The following MDFIC variants were observed in gnomAD, a reference collection of about 807,000 sequenced individuals.
MDFIC encodes the protein myoD family inhibitor domain-containing protein.
Under a neutral mutation model 23.2 loss-of-function variants are expected in MDFIC, and 17 were observed. The ratio of observed to expected loss-of-function variants is 0.73; its 90% CI spans 0.50 to 1.10. The LOEUF is 1.10. MDFIC is among the 50% of genes least tolerant of loss of function. MDFIC has a pLI of 0.00. For missense variants in MDFIC, 356 were observed against 316.6 expected, an observed-to-expected ratio of 1.12 and a Z score of -0.95; for synonymous variants, 120 against 115.2, an observed-to-expected ratio of 1.04 and a Z score of -0.27.
At chr7:114,964,479 C>T (rs1793054517) in intron 3 of MDFIC, among the ~76,000 whole-genome samples, 1 of 117,968 alleles carries the variant, frequency 8.5e-6, no homozygotes, top group African/African-American at 2.9e-5. Context: ...TTCCTTGATG[C>T]CCTCCCCTCC....
chr7:114,997,858 T>G (rs1274924310), intron 4 of MDFIC, among the ~76,000 whole-genome samples: 2 of 152,014 alleles, frequency 1.3e-5, no homozygotes, highest in African/African-American at 4.8e-5. Flanking sequence ...GGCCCATGCC[T>G]GCAGAGCACT....
intron 4 of MDFIC, among the ~76,000 whole-genome samples, chr7:114,982,505 C>T (rs933464500): frequency 6.6e-6 from 1 of 151,204 alleles, no homozygotes; most frequent in African/African-American, 2.4e-5. Context: ...GCCTGGGCTA[C>T]ATAGCAAGAT....
chr7:114,925,693 T>C (rs547379589), intron 2 of MDFIC, among the ~76,000 whole-genome samples: 6 of 152,164 alleles, frequency 3.9e-5, no homozygotes, highest in Admixed American at 1.3e-4. Flanking sequence ...CATTCCTCAG[T>C]TTTAGCTAAT....
At chr7:114,942,966 C>G (rs6947846) in intron 3 of MDFIC, among the ~76,000 whole-genome samples, 1 of 152,052 alleles carries the variant, frequency 6.6e-6, no homozygotes, top group African/African-American at 2.4e-5. Flanking sequence ...GTTCTGCTCT[C>G]GAGCTCCTGG....
chr7:115,001,719 G>GA (rs1032604272), intron 4 of MDFIC, among the ~76,000 whole-genome samples: 1 of 122,372 alleles, frequency 8.2e-6, no homozygotes, highest in Non-Finnish European at 1.8e-5. Flanking sequence ...AAGTGCCTTT[G>GA]ATTTTTTGTT....
At chr7:114,962,763 T>C (rs1354285132) in intron 3 of MDFIC, among the ~76,000 whole-genome samples, 2 of 152,210 alleles carry the variant, frequency 1.3e-5, no homozygotes, top group East Asian at 3.8e-4. Context: ...AATATGAAGT[T>C]AGATACAAAT....
rs1423949990 is a variant in MDFIC, at chr7:114,979,715, A to G, written c.427A>G (p.Ser143Gly). The change falls in exon 4 of 5, where the codon AGC becomes GGC. Residue 143 changes from serine (S) to glycine (G), a missense_variant. Ser to Gly is a moderately conservative substitution (Grantham distance 56, BLOSUM62 0). Coordinates refer to ENST00000393486, the MANE Select transcript of MDFIC (RefSeq NM_001166345.3). ...RKIQSSLSVN[S>G]DISKKSKVNA... ...AATTCAGTCCAGCTTGTCTGTAAAC[A>G]GCGATATCAGTAAGAAGAGCAAAGT... 1 of 1,614,160 alleles carries G rather than the reference A, an allele frequency of 6.2e-7. No individual in the cohort carries two copies. Among genetic ancestry groups the G allele is most frequent in the Admixed American group, 1.7e-5 (1 of 60,018 alleles).
At chr7:114,980,295 C>T (rs1251458463) in intron 4 of MDFIC, among the ~76,000 whole-genome samples, 1 of 152,178 alleles carries the variant, frequency 6.6e-6, no homozygotes, top group Non-Finnish European at 1.5e-5. Flanking sequence ...CATCTTCCAG[C>T]CGCCACGTTG....
rs1350912400 is a variant in MDFIC, at chr7:115,017,318, G to A, written c.*1383G>A. 6.6e-6 allele frequency: 1 copy of A among 152,068 alleles called. No individual in the cohort carries two copies. Among genetic ancestry groups the A allele is most frequent in the African/African-American group, 2.4e-5 (1 of 41,410 alleles). The allele number at this position is 152,068 out of a possible 1,614,324, so 9.4% of individuals were successfully genotyped here. A position where few individuals can be genotyped will look rare whatever the true frequency, so the allele number is the denominator to read the frequency against. On this transcript the variant is annotated 3_prime_UTR_variant, in exon 5 of 5. Transcript: ENST00000393486. ...AGCTCTATTTAATAAAGAAGATTGA[G>A]TACTCTGACACATTTCATTTAAATT... is the stretch of plus-strand genomic sequence containing the variant.
intron 2 of MDFIC, among the ~76,000 whole-genome samples, chr7:114,937,465 G>A (rs1792448016): frequency 6.6e-6 from 1 of 152,162 alleles, no homozygotes; most frequent in Non-Finnish European, 1.5e-5. Context: ...GTATATGAGA[G>A]TTTGGCTCTA....
rs545511016 is a variant in MDFIC at position 115,013,080 on chromosome 7, G to A, written c.494-2608G>A. Reference sequence around the variant, plus strand: ...GAAAATGAGTGAACTACAGCTACACGAATCAACATAGATAAATCTCAAATA... The same window carrying A: ...GAAAATGAGTGAACTACAGCTACACAAATCAACATAGATAAATCTCAAATA... On this transcript the variant is annotated intron_variant, in intron 4 of 4. Transcript: ENST00000393486. Among the ~76,000 whole-genome samples, 5 of 152,244 alleles carry A rather than the reference G, an allele frequency of 3.3e-5. No individual in the cohort carries two copies. The South Asian group carries it at 6.2e-4, about 19-fold the overall frequency.
chr7:114,982,981 C>T (rs1157428821), intron 4 of MDFIC, among the ~76,000 whole-genome samples: 6 of 152,216 alleles, frequency 3.9e-5, no homozygotes, highest in Non-Finnish European at 8.8e-5. Context: ...GAGAAGCCCT[C>T]ATGGCCAAAT....
chr7:114,979,882 C>T (rs914292835), intron 4 of MDFIC, 101 bp downstream of exon 4: 1 of 1,375,932 alleles, frequency 7.3e-7, no homozygotes. Flanking sequence ...TCTTGCTTAT[C>T]CTTCAGACAA....
chr7:114,994,605 A>G (rs922121288), intron 4 of MDFIC, among the ~76,000 whole-genome samples: 2 of 152,172 alleles, frequency 1.3e-5, no homozygotes, highest in Non-Finnish European at 2.9e-5. Context: ...TCCTTCACTT[A>G]TGAAGCTTAA....
intron 3 of MDFIC, among the ~76,000 whole-genome samples, chr7:114,971,317 A>T (rs1025882313): frequency 2.0e-5 from 3 of 152,114 alleles, no homozygotes; most frequent in African/African-American, 7.2e-5. Flanking sequence ...TACTTACCTA[A>T]CTTCACATTT....
At chr7:114,948,221 T>TA (rs1329154786) in intron 3 of MDFIC, among the ~76,000 whole-genome samples, 1 of 26,588 alleles carries the variant, frequency 3.8e-5, no homozygotes, top group Non-Finnish European at 1.1e-4. Flanking sequence ...TTCCATTTAT[T>TA]CTTCTAACTC....
rs1199506996 is a variant in MDFIC at position 114,942,326 on chromosome 7, G to T, written c.146G>T (p.Ser49Ile). ...AAAGATATAACTCAAGCTACCAATA[G>T]CCACTTCACACATGGAGAGATGCAA... ...TEKDITQATN[S>I]HFTHGEMQDQ... The change falls in exon 3 of 5, where the codon AGC becomes ATC. Residue 49 changes from serine (S) to isoleucine (I), a missense_variant. Ser to Ile is a moderately radical substitution (Grantham distance 142). Coordinates refer to ENST00000393486, the MANE Select transcript of MDFIC (RefSeq NM_001166345.3). The T allele has an allele frequency of 6.3e-7, 1 of 1,599,044 alleles. No individual in the cohort carries two copies. Among genetic ancestry groups the T allele is most frequent in the Non-Finnish European group, 8.6e-7 (1 of 1,168,342 alleles).
chr7:114,933,361 C>T (rs926347706), intron 2 of MDFIC, among the ~76,000 whole-genome samples: 1 of 151,126 alleles, frequency 6.6e-6, no homozygotes, highest in Admixed American at 6.6e-5. Flanking sequence ...CAGGTTCAAG[C>T]GATTCTCCTG....
chr7:115,008,361 T>C (rs1280270677), intron 4 of MDFIC, among the ~76,000 whole-genome samples: 1 of 152,010 alleles, frequency 6.6e-6, no homozygotes, highest in African/African-American at 2.4e-5. Flanking sequence ...TAAAGATTAT[T>C]GTTCAATTTC....
Sources: gnomAD v4.1 joint callset for allele counts (sites outside exome capture counted in the v4.1 genomes callset) on GRCh38, gnomAD v4.1.1 for gene constraint, MANE v1.5 for transcripts, NCBI Gene and HGNC (gene_info 2026-07-23, HGNC 2026-07-21) for gene names.